Variants in CNTN6 observed in about 807,000 individuals in gnomAD.
The protein encoded by CNTN6 is contactin-6.
CNTN6 carries 137 observed loss-of-function variants against 122.8 expected under a neutral mutation model. The ratio of observed to expected loss-of-function variants is 1.12; its 90% CI spans 0.97 to 1.29. The LOEUF is 1.29. Among genes scored for constraint, CNTN6 ranks in the 50% most tolerant of loss-of-function variants. The probability of loss-of-function intolerance (pLI) is 0.00; values close to 1 mark genes in which losing one functional copy is unlikely to be tolerated. For synonymous variants in CNTN6, 570 were observed against 426.0 expected (o/e 1.34, Z -4.16); for missense variants, 1,634 against 1,223.4 (o/e 1.34, Z -5.01).
chr3:1,241,687 C>G (rs2094486965), intron 4 of CNTN6, among the ~76,000 whole-genome samples: 3 of 152,164 alleles, frequency 2.0e-5, no homozygotes, highest in South Asian at 4.2e-4. Context: ...TTTATGTTGT[C>G]ATACACCAGG....
Position 1,280,981 on chromosome 3 carries a change from C to T in CNTN6, c.454+2473C>T, listed in dbSNP as rs190673580. Among the ~76,000 whole-genome samples, 166 of 152,272 alleles carry T rather than the reference C, an allele frequency of 1.1e-3. 2 individuals are homozygous for T. Among genetic ancestry groups the T allele is most frequent in the Admixed American group, 0.011 (161 of 15,290 alleles). The stretch of plus-strand genomic sequence containing the variant: ...TCTGTCTCACATTTAGTCCCTCGAA[C>T]ATTTCAAATTTCTTTAGTCAGGAAG... On this transcript the variant is annotated intron_variant, in intron 5 of 22. Transcript: ENST00000446702.
intron 20 of CNTN6, chr3:1,394,482 G>A (rs1694731525): frequency 6.4e-6 from 1 of 156,168 alleles, no homozygotes; most frequent in Non-Finnish European, 1.4e-5. Flanking sequence ...GCCGAGGAAG[G>A]GGCTTCTGGC....
intron 1 of CNTN6, among the ~76,000 whole-genome samples, chr3:1,125,341 A>G (rs2092122181): frequency 6.6e-6 from 1 of 151,932 alleles, no homozygotes. Flanking sequence ...TGAATAAATT[A>G]TCAGATACAT....
intron 1 of CNTN6, among the ~76,000 whole-genome samples, chr3:1,117,349 CAGTA>C (rs953315520): frequency 2.7e-5 from 4 of 150,816 alleles, no homozygotes; most frequent in African/African-American, 5.0e-5. Flanking sequence ...AAATCAGAAA[CAGTA>C]AGTCCTGTTC....
At chr3:1,214,650 TAA>T (rs1231370934) in intron 2 of CNTN6, among the ~76,000 whole-genome samples, 3 of 152,162 alleles carry the variant, frequency 2.0e-5, no homozygotes, top group Non-Finnish European at 4.4e-5. Flanking sequence ...GTGATAATAC[TAA>T]AGTCATCCTT....
chr3:1,175,222 CAAAA>C (rs61606722), intron 2 of CNTN6, among the ~76,000 whole-genome samples: 3 of 76,846 alleles, frequency 3.9e-5, no homozygotes, highest in Non-Finnish European at 4.9e-5. Context: ...GACTTTGTCT[CAAAA>C]AAAAAAAAAA....
rs150046872 is a variant in CNTN6, at chr3:1,373,668, T to C, written c.1851T>C (p.Ser617=). Residue 617 remains serine, a synonymous_variant, in exon 15 of 23, where the codon AGT becomes AGC. Transcript: ENST00000446702. ...TTTCCAGTACTACTTCTCAACTAAG[T>C]TGGAGAGCAGGCCCAGATAATAACA... ...EDISSTTSQL[S]WRAGPDNNSP... The C allele has an allele frequency of 4.8e-5, 77 of 1,612,982 alleles. No individual in the cohort carries two copies. The African/African-American group carries it at 9.0e-4, about 19-fold the overall frequency.
At position 1,143,239 on chromosome 3, in the gene CNTN6, A is replaced by G. The variant is rs2092653090; in HGVS notation, c.-82-4688A>G. Among the ~76,000 whole-genome samples the G allele has an allele frequency of 5.3e-5, 8 of 152,150 alleles. No homozygotes were observed. In the South Asian group the frequency reaches 1.7e-3, roughly 32 times the overall value. On this transcript the variant is annotated intron_variant, in intron 1 of 22. Coordinates refer to ENST00000446702, the MANE Select transcript of CNTN6 (RefSeq NM_001289080.2). ...GCAAGAAAAGTGATTATAGACCTGT[A>G]CATACTCTTTCCTTGAAGTGTTTGA...
At position 1,373,498 on chromosome 3, in the gene CNTN6, C is replaced by T. The variant is rs147326762; in HGVS notation, c.1787-106C>T. On this transcript the variant is annotated intron_variant, in intron 14 of 22. Coordinates refer to ENST00000446702, the MANE Select transcript of CNTN6 (RefSeq NM_001289080.2). ...TAATGTGCTATAAATACATTATGGT[C>T]AATATTTTACTTCCTAAGCACAACA... 152 of 1,008,676 alleles carry T rather than the reference C, an allele frequency of 1.5e-4. 1 individual carries two copies. In the African/African-American group the frequency reaches 2.1e-3, roughly 14 times the overall value. The allele number at this position is 1,008,676 out of a possible 1,614,324, so 62.5% of individuals were successfully genotyped here. A position where few individuals can be genotyped will look rare whatever the true frequency, so the allele number is the denominator to read the frequency against.
At chr3:1,360,600 G>A (rs537170108) in intron 12 of CNTN6, among the ~76,000 whole-genome samples, 61 of 149,858 alleles carry the variant, frequency 4.1e-4, no homozygotes, top group African/African-American at 1.4e-3. Flanking sequence ...ATGTATACAC[G>A]TATTTTTTTT....
At chr3:1,236,532 G>A (rs2094424323) in intron 4 of CNTN6, among the ~76,000 whole-genome samples, 1 of 152,114 alleles carries the variant, frequency 6.6e-6, no homozygotes, top group Admixed American at 6.5e-5. Flanking sequence ...GGGGAAGCGG[G>A]AGAACACCGA....
intron 4 of CNTN6, among the ~76,000 whole-genome samples, chr3:1,252,167 G>T (rs959365578): frequency 2.0e-5 from 3 of 152,004 alleles, no homozygotes; most frequent in Non-Finnish European, 4.4e-5. Flanking sequence ...CTTAAACATT[G>T]CCTAGCTTGC....
In CNTN6 at chr3:1,112,594, T is replaced by C. The variant is rs578257025; in HGVS notation, c.-83+19474T>C. On this transcript the variant is annotated intron_variant, in intron 1 of 22. Coordinates refer to ENST00000446702, the MANE Select transcript of CNTN6 (RefSeq NM_001289080.2). ...TTGTTCCATCCAGGCCCCCAGCTGA[T>C]AGGATTGTGCCCACCCACTTTGAGG... Among the ~76,000 whole-genome samples the C allele has an allele frequency of 9.9e-5, 15 of 152,282 alleles. No homozygotes were observed. The South Asian group carries it at 2.3e-3, about 23-fold the overall frequency.
intron 4 of CNTN6, among the ~76,000 whole-genome samples, chr3:1,276,104 C>T (rs1575519433): frequency 6.6e-6 from 1 of 152,146 alleles, no homozygotes; most frequent in East Asian, 1.9e-4. Context: ...CTTTAGAAGA[C>T]TTTAAAAGAT....
At chr3:1,235,018 T>C (rs1180994464) in intron 4 of CNTN6, among the ~76,000 whole-genome samples, 1 of 152,236 alleles carries the variant, frequency 6.6e-6, no homozygotes, top group Non-Finnish European at 1.5e-5. Flanking sequence ...AAGTAGATTA[T>C]TCAATGCTTT....
intron 7 of CNTN6, among the ~76,000 whole-genome samples, chr3:1,315,108 G>C (rs1192776992): frequency 6.6e-6 from 1 of 151,974 alleles, no homozygotes; most frequent in African/African-American, 2.4e-5. Flanking sequence ...CATTTGTTTT[G>C]ACTCTGTAAC....
intron 1 of CNTN6, among the ~76,000 whole-genome samples, chr3:1,097,860 T>A (rs949193436): frequency 2.0e-5 from 3 of 152,126 alleles, no homozygotes; most frequent in Non-Finnish European, 4.4e-5. Flanking sequence ...GTAAAAATAA[T>A]ATAAAACAAT....
At chr3:1,306,295 A>G (rs1559772415) in intron 7 of CNTN6, among the ~76,000 whole-genome samples, 1 of 152,148 alleles carries the variant, frequency 6.6e-6, no homozygotes, top group African/African-American at 2.4e-5. Flanking sequence ...ATTATCAATA[A>G]CTTTTTTTTA....
chr3:1,295,733 G>T lies in CNTN6; in HGVS notation c.587G>T (p.Cys196Phe), dbSNP rs1696113344. Residue 196 changes from cysteine to phenylalanine, a missense_variant, in exon 6 of 23, where the codon TGC (cysteine) becomes TTC (phenylalanine). By Grantham distance (205) the Cys-to-Phe change is radical (BLOSUM62 -2). Coordinates refer to ENST00000446702, the MANE Select transcript of CNTN6 (RefSeq NM_001289080.2). ...VEPSDVGNYT[C>F]FITNKEAQRS... ...CCATCAGATGTGGGCAACTACACTT[G>T]CTTTATAACTAACAAAGAGGCCCAG... is the stretch of plus-strand genomic sequence containing the variant. The T allele has an allele frequency of 1.2e-6, 2 of 1,613,920 alleles. No individual in the cohort carries two copies. Among genetic ancestry groups the T allele is most frequent in the African/African-American group, 2.7e-5 (2 of 74,920 alleles).
Sources: allele counts gnomAD v4.1 joint callset (sites outside exome capture counted in the v4.1 genomes callset), GRCh38; gene constraint gnomAD v4.1.1; transcripts MANE v1.5; gene names NCBI Gene and HGNC (gene_info 2026-07-23, HGNC 2026-07-21).